Variants in MLLT10 observed in about 807,000 individuals in gnomAD.
MLLT10 encodes protein AF-10.
Under a neutral mutation model 129.1 loss-of-function variants are expected in MLLT10, and 30 were observed. The ratio of observed to expected loss-of-function variants is 0.23; its 90% CI spans 0.17 to 0.32. MLLT10 has a LOEUF of 0.32. Among genes scored for constraint, MLLT10 ranks in the 10% least tolerant of loss-of-function variants. The pLI is 1.00. For synonymous variants in MLLT10, 490 were observed against 446.4 expected, an observed-to-expected ratio of 1.10 and a Z score of -1.23; for missense variants, 1,119 against 1,268.3, an observed-to-expected ratio of 0.88 and a Z score of 1.79.
intron 3 of MLLT10, among the ~76,000 whole-genome samples, chr10:21,579,330 T>C (rs1644953924): frequency 6.6e-6 from 1 of 152,184 alleles, no homozygotes; most frequent in African/African-American, 2.4e-5. Flanking sequence ...TTTGACTATT[T>C]GAGGTTTGCT....
chr10:21,590,779 T>C (rs1564467422), intron 4 of MLLT10, among the ~76,000 whole-genome samples: 1 of 152,234 alleles, frequency 6.6e-6, no homozygotes, highest in Non-Finnish European at 1.5e-5. Context: ...CCAAATAGAA[T>C]TGTTCAGTTT....
chr10:21,596,286 C>T (rs1308055331), intron 5 of MLLT10, among the ~76,000 whole-genome samples: 1 of 151,820 alleles, frequency 6.6e-6, no homozygotes, highest in Non-Finnish European at 1.5e-5. Context: ...TATATTTTTT[C>T]TTTGCTTTTG....
chr10:21,540,295 C>T (rs566371939), intron 3 of MLLT10, among the ~76,000 whole-genome samples: 23 of 151,794 alleles, frequency 1.5e-4, no homozygotes, highest in African/African-American at 4.4e-4. Flanking sequence ...GGGGCTAAGA[C>T]GGGAGAATCG....
rs187057064 is a variant in MLLT10, at chr10:21,627,025, C to A, written c.699+9818C>A. Among the ~76,000 whole-genome samples, 76 of 152,208 alleles carry A rather than the reference C, an allele frequency of 5.0e-4. 1 individual carries two copies. The East Asian group carries it at 0.014, about 27-fold the overall frequency. On this transcript the variant is annotated intron_variant, in intron 8 of 22. Transcript: ENST00000307729. Reference sequence around the variant, plus strand: ...CTTCGTCCTTGGGCATTGAGCCAGGCAGCCAGTAGGATTAATTTTTTTTTT... The same window carrying A: ...CTTCGTCCTTGGGCATTGAGCCAGGAAGCCAGTAGGATTAATTTTTTTTTT...
intron 4 of MLLT10, among the ~76,000 whole-genome samples, chr10:21,591,750 G>T (rs114464826): frequency 0.012 from 1,789 of 151,288 alleles, 33 homozygotes; most frequent in African/African-American, 0.041. Context: ...TTGAAATGGA[G>T]TCTCGGTGTG....
chr10:21,534,509 G>T lies in MLLT10; in HGVS notation c.-12G>T, dbSNP rs926751983. Reference sequence around the variant, plus strand: ...CTGTGCGGAACGTGAGTGACTGAGCGGCAAAGCCCGAGTGAGCGAGCGGTG... The same window carrying T: ...CTGTGCGGAACGTGAGTGACTGAGCTGCAAAGCCCGAGTGAGCGAGCGGTG... On this transcript the variant is annotated 5_prime_UTR_variant, in exon 1 of 23. Coordinates refer to ENST00000307729, the MANE Select transcript of MLLT10 (RefSeq NM_001195626.3). The T allele has an allele frequency of 3.2e-6, 3 of 925,944 alleles. No homozygotes were observed. Among genetic ancestry groups the T allele is most frequent in the Non-Finnish European group, 4.7e-6 (3 of 631,750 alleles). The allele number at this position is 925,944 out of a possible 1,614,324, so 57.4% of individuals were successfully genotyped here.
At chr10:21,622,069 C>A (rs2045917321) in intron 8 of MLLT10, among the ~76,000 whole-genome samples, 1 of 151,074 alleles carries the variant, frequency 6.6e-6, no homozygotes, top group African/African-American at 2.4e-5. Context: ...AACTGTAGTG[C>A]GAGCAAGGAG....
chr10:21,534,400 G>C lies in MLLT10; in HGVS notation c.-121G>C. On this transcript the variant is annotated 5_prime_UTR_variant, in exon 1 of 23. Coordinates refer to ENST00000307729, the MANE Select transcript of MLLT10 (RefSeq NM_001195626.3). ...GTTAGCGGCCGGGTGGAGGTGGGGA[G>C]GGAAGACGCTGAGGAGGAGGAGGAG... is the stretch of plus-strand genomic sequence containing the variant. 1 of 459,486 alleles carries C rather than the reference G, an allele frequency of 2.2e-6. No individual in the cohort carries two copies. Among genetic ancestry groups the C allele is most frequent in the Non-Finnish European group, 3.8e-6 (1 of 259,818 alleles). The allele number at this position is 459,486 out of a possible 1,614,324, so 28.5% of individuals were successfully genotyped here.
Position 21,681,322 on chromosome 10 carries a change from C to T in MLLT10, c.1622-10C>T, listed in dbSNP as rs997434407. ...TCTTCACTGATTTCCTTTTTCCTTC[C>T]TCTCAACAGAAATTTCCATGCAGTA... On this transcript the variant is annotated splice_polypyrimidine_tract_variant and intron_variant, in intron 11 of 22. Coordinates refer to ENST00000307729, the MANE Select transcript of MLLT10 (RefSeq NM_001195626.3). 5.0e-6 allele frequency: 8 copies of T among 1,611,662 alleles called. No homozygotes were observed. Among genetic ancestry groups the T allele is most frequent in the Non-Finnish European group, 5.1e-6 (6 of 1,179,476 alleles).
chr10:21,704,413 A>T (rs754060118), intron 13 of MLLT10, among the ~76,000 whole-genome samples: 2 of 149,184 alleles, frequency 1.3e-5, no homozygotes, highest in Non-Finnish European at 3.0e-5. Flanking sequence ...ATAAAAATAA[A>T]TAATTAATTT....
chr10:21,628,970 A>G (rs2046747748), intron 8 of MLLT10, among the ~76,000 whole-genome samples: 1 of 151,224 alleles, frequency 6.6e-6, no homozygotes, highest in Non-Finnish European at 1.5e-5. Context: ...GCTGGTCTTG[A>G]ACTTGTGACC....
intron 13 of MLLT10, chr10:21,688,624 G>C: frequency 8.6e-7 from 1 of 1,162,794 alleles, no homozygotes; most frequent in African/African-American, 1.6e-5. Flanking sequence ...ATACAAACCA[G>C]TGTTAGCAGT....
chr10:21,604,527 T>G (rs182627697), intron 5 of MLLT10, among the ~76,000 whole-genome samples: 2 of 152,222 alleles, frequency 1.3e-5, no homozygotes, highest in Admixed American at 6.5e-5. Flanking sequence ...AGGCAGAGGT[T>G]GCAGTGAGCC....
At chr10:21,697,597 C>G (rs2054503343) in intron 13 of MLLT10, among the ~76,000 whole-genome samples, 1 of 152,142 alleles carries the variant, frequency 6.6e-6, no homozygotes, top group Non-Finnish European at 1.5e-5. Flanking sequence ...TAAAAATGTT[C>G]ATCTTTAATA....
chr10:21,717,286 TG>T (rs534547083), intron 14 of MLLT10, among the ~76,000 whole-genome samples: 94 of 140,832 alleles, frequency 6.7e-4, no homozygotes, highest in African/African-American at 2.3e-3. Context: ...AATTGTTCCC[TG>T]GAAAGTGGTC....
chr10:21,589,891 T>TCCTTTC (rs1195021967), intron 4 of MLLT10, among the ~76,000 whole-genome samples: 8 of 145,348 alleles, frequency 5.5e-5, no homozygotes, highest in Admixed American at 1.4e-4. Context: ...TTTCCCCCTT[T>TCCTTTC]CCTTTCCCTT....
At chr10:21,663,378 CTTT>C (rs776512240) in intron 9 of MLLT10, among the ~76,000 whole-genome samples, 2 of 139,960 alleles carry the variant, frequency 1.4e-5, no homozygotes, top group Admixed American at 7.2e-5. Context: ...TTTGTCTTTC[CTTT>C]TTTTTTTTTT....
At chr10:21,567,269 G>GGT (rs1006836016) in intron 3 of MLLT10, among the ~76,000 whole-genome samples, 26 of 152,126 alleles carry the variant, frequency 1.7e-4, no homozygotes, top group African/African-American at 6.3e-4. Context: ...TGTTAAGCCA[G>GGT]GTAGGGGATG....
chr10:21,717,888 T>TCTCCTCCTCCTCCTCCTCCTCCTC (rs1197942786), intron 14 of MLLT10, among the ~76,000 whole-genome samples: 1 of 75,994 alleles, frequency 1.3e-5, no homozygotes, highest in African/African-American at 5.5e-5. Flanking sequence ...TCCTCCTCCT[T>TCTCCTCCTCCTCCTCCTCCTCCTC]CTCCTCCTCC....
Sources: gnomAD v4.1 joint callset for allele counts (sites outside exome capture counted in the v4.1 genomes callset) on GRCh38, gnomAD v4.1.1 for gene constraint, MANE v1.5 for transcripts, NCBI Gene and HGNC (gene_info 2026-07-23, HGNC 2026-07-21) for gene names.